RBFOX1: variants seen among roughly 807,000 people sequenced by gnomAD.
The protein encoded by RBFOX1 is RNA binding protein fox-1 homolog 1.
RBFOX1 carries 8 observed loss-of-function variants against 57.7 expected under a neutral mutation model. That is an observed-to-expected ratio of 0.14 (90% CI 0.08 to 0.25). RBFOX1 has a LOEUF of 0.25. Among genes scored for constraint, RBFOX1 ranks in the 10% least tolerant of loss-of-function variants. The pLI is 1.00. For synonymous variants in RBFOX1, 326 were observed against 222.4 expected (o/e 1.47, Z -4.15); for missense variants, 611 against 548.5 (o/e 1.11, Z -1.14).
chr16:7,380,956 T>A (rs2097773371), intron 4 of RBFOX1, among the ~76,000 whole-genome samples: 1 of 152,222 alleles, frequency 6.6e-6, no homozygotes, highest in South Asian at 2.1e-4. Context: ...GTATTTTGAA[T>A]CTCCAGAGTT....
At chr16:5,715,346 A>T (rs1456970059) in intron 3 of RBFOX1, among the ~76,000 whole-genome samples, 1 of 152,196 alleles carries the variant, frequency 6.6e-6, no homozygotes, top group Non-Finnish European at 1.5e-5. Flanking sequence ...TCCCTGCCAT[A>T]ACTCACCTCT....
chr16:5,407,577 C>T (rs1030853209), intron 1 of RBFOX1, among the ~76,000 whole-genome samples: 2 of 151,874 alleles, frequency 1.3e-5, no homozygotes, highest in Admixed American at 1.3e-4. Flanking sequence ...GTTTTTTTGT[C>T]TCACTCTGTC....
chr16:7,207,884 G>A (rs761202978), intron 4 of RBFOX1, among the ~76,000 whole-genome samples: 7 of 152,162 alleles, frequency 4.6e-5, no homozygotes, highest in Non-Finnish European at 7.3e-5. Context: ...AAGATAAATG[G>A]TGACAGTGAG....
chr16:6,565,744 A>T, intron 2 of RBFOX1, among the ~76,000 whole-genome samples: 1 of 152,354 alleles, frequency 6.6e-6, no homozygotes, highest in East Asian at 1.9e-4. Context: ...CTGGGATTAC[A>T]GGTGTGAGTC....
At chr16:5,261,152 T>C (rs1438860234) in intron 1 of RBFOX1, 1 of 152,234 alleles carries the variant, frequency 6.6e-6, no homozygotes, top group African/African-American at 2.4e-5. Context: ...TAAAGGGCAT[T>C]AGCACGTCTA....
At chr16:5,466,861 G>A (rs2068969016) in intron 1 of RBFOX1, among the ~76,000 whole-genome samples, 2 of 152,084 alleles carry the variant, frequency 1.3e-5, no homozygotes, top group South Asian at 2.1e-4. Context: ...CTAGTCTAAA[G>A]TAACACCAGT....
At chr16:7,379,975 T>C (rs2097759671) in intron 4 of RBFOX1, among the ~76,000 whole-genome samples, 1 of 152,154 alleles carries the variant, frequency 6.6e-6, no homozygotes, top group Non-Finnish European at 1.5e-5. Context: ...TCCTGCCTCC[T>C]TCTCCAAAGT....
intron 2 of RBFOX1, among the ~76,000 whole-genome samples, chr16:6,500,739 G>T (rs1319198811): frequency 6.6e-6 from 1 of 152,108 alleles, no homozygotes; most frequent in Non-Finnish European, 1.5e-5. Flanking sequence ...CATCTTGACT[G>T]CATGTCAAGA....
At chr16:5,907,293 A>G (rs951928498) in intron 4 of RBFOX1, among the ~76,000 whole-genome samples, 1 of 151,978 alleles carries the variant, frequency 6.6e-6, no homozygotes, top group Non-Finnish European at 1.5e-5. Flanking sequence ...TCCTCTGTGC[A>G]TGCCCCTGGA....
At chr16:6,246,316 G>A (rs886339123) in intron 1 of RBFOX1, among the ~76,000 whole-genome samples, 5 of 152,106 alleles carry the variant, frequency 3.3e-5, no homozygotes, top group African/African-American at 1.2e-4. Flanking sequence ...AGTTACTCTT[G>A]CTGTAGACAG....
chr16:5,520,106 T>C (rs1480483490), intron 2 of RBFOX1, among the ~76,000 whole-genome samples: 1 of 152,148 alleles, frequency 6.6e-6, no homozygotes, highest in Non-Finnish European at 1.5e-5. Context: ...CGTGGGAGCA[T>C]CATTCCAGGG....
chr16:7,102,684 A>C (rs1203986931), intron 4 of RBFOX1, among the ~76,000 whole-genome samples: 1 of 152,198 alleles, frequency 6.6e-6, no homozygotes, highest in African/African-American at 2.4e-5. Flanking sequence ...AATCTTGCAC[A>C]CCAGCATGTG....
chr16:6,076,913 A>T (rs62013965), intron 1 of RBFOX1, among the ~76,000 whole-genome samples: 1 of 151,932 alleles, frequency 6.6e-6, no homozygotes, highest in Non-Finnish European at 1.5e-5. Flanking sequence ...CATGGAAGCC[A>T]ATGGTCAAGT....
At chr16:5,931,582 G>T (rs1047353577) in intron 4 of RBFOX1, among the ~76,000 whole-genome samples, 6 of 152,098 alleles carry the variant, frequency 3.9e-5, no homozygotes, top group South Asian at 2.1e-4. Flanking sequence ...TGAGCAGCTG[G>T]GTCTGAAAAG....
chr16:6,815,688 G>T (rs774789324), intron 3 of RBFOX1, among the ~76,000 whole-genome samples: 31 of 152,272 alleles, frequency 2.0e-4, no homozygotes, highest in Non-Finnish European at 4.1e-4. Flanking sequence ...ACCTAGACTT[G>T]TTCAGCGACA....
Position 6,448,020 on chromosome 16 carries a change from G to A in RBFOX1, c.-64+130963G>A, listed in dbSNP as rs79459296. Among the ~76,000 whole-genome samples the A allele has an allele frequency of 9.5e-3, 1,447 of 152,180 alleles. 26 individuals carry two copies. Among genetic ancestry groups the A allele is most frequent in the African/African-American group, 0.033 (1,388 of 41,522 alleles). Reference sequence around the variant, plus strand: ...ATAATAACTTTAAGCATGGTAGTTAGAGTGTTGAGTTCTGGTTGCAAAGAC... The same window carrying A: ...ATAATAACTTTAAGCATGGTAGTTAAAGTGTTGAGTTCTGGTTGCAAAGAC... On this transcript the variant is annotated intron_variant, in intron 2 of 15. Transcript: ENST00000550418.
At chr16:5,799,271 C>T (rs757744095) in intron 3 of RBFOX1, among the ~76,000 whole-genome samples, 8 of 152,018 alleles carry the variant, frequency 5.3e-5, no homozygotes, top group Admixed American at 6.6e-5. Flanking sequence ...CATTTATCTC[C>T]CACTGGGTTC....
At chr16:7,462,028 G>C (rs535299241) in intron 4 of RBFOX1, among the ~76,000 whole-genome samples, 9 of 152,180 alleles carry the variant, frequency 5.9e-5, no homozygotes, top group Admixed American at 3.3e-4. Flanking sequence ...ACGTGCCTGA[G>C]GACAGGCCAG....
intron 3 of RBFOX1, among the ~76,000 whole-genome samples, chr16:5,674,871 G>C (rs1198940222): frequency 6.6e-6 from 1 of 152,152 alleles, no homozygotes; most frequent in Non-Finnish European, 1.5e-5. Flanking sequence ...GGCTGAATAT[G>C]GTGGGTGGCT....
Sources: allele counts gnomAD v4.1 joint callset (sites outside exome capture counted in the v4.1 genomes callset), GRCh38; gene constraint gnomAD v4.1.1; transcripts MANE v1.5; gene names NCBI Gene and HGNC (gene_info 2026-07-23, HGNC 2026-07-21).